The following DST variants were observed in gnomAD, a reference collection of about 807,000 sequenced individuals.
DST encodes the protein dystonin, also known as bullous pemphigoid antigen.
DST carries 253 observed loss-of-function variants against 875.2 expected under a neutral mutation model. The observed-to-expected ratio is 0.29, with a 90% CI of 0.26 to 0.32. DST has a LOEUF of 0.32. DST is among the 10% of genes least tolerant of loss of function. The pLI, the probability that DST is intolerant of heterozygous loss-of-function variation, is 1.00. For missense variants in DST, 8,287 were observed against 9,111.6 expected, an observed-to-expected ratio of 0.91 and a Z score of 3.68; for synonymous variants, 3,124 against 3,197.1, an observed-to-expected ratio of 0.98 and a Z score of 0.77.
At chr6:56,519,787 G>A (rs868264988) in intron 69 of DST, among the ~76,000 whole-genome samples, 3 of 152,156 alleles carry the variant, frequency 2.0e-5, no homozygotes, top group Non-Finnish European at 2.9e-5. Flanking sequence ...GTGGTAAGAG[G>A]AAGGCAGCTA....
At chr6:56,942,369 A>G (rs1254603279) in intron 2 of DST, among the ~76,000 whole-genome samples, 1 of 151,982 alleles carries the variant, frequency 6.6e-6, no homozygotes, top group Non-Finnish European at 1.5e-5. Flanking sequence ...TTTATTTTCA[A>G]TCTGTCTCTC....
intron 63 of DST, among the ~76,000 whole-genome samples, chr6:56,534,401 T>C (rs1215773707): frequency 1.3e-5 from 2 of 152,138 alleles, no homozygotes; most frequent in African/African-American, 2.4e-5. Flanking sequence ...TACCCGACCA[T>C]TGCTATCAGG....
In DST at chr6:56,476,295, C is replaced by A; in HGVS notation, c.21718G>T (p.Ala7240Ser). ...TGTTTGGCAATAAGCCCAGCCAGAGCACTTGCTAATCTCTGCTGATGTTGC... is the reference window on the plus strand; with the variant it reads ...TGTTTGGCAATAAGCCCAGCCAGAGAACTTGCTAATCTCTGCTGATGTTGC... ...AKQHQQRLASALAGLIAKQEL... is the reference protein window; with the variant it reads ...AKQHQQRLASSLAGLIAKQEL... The change falls in exon 92 of 104, where the codon GCT becomes TCT. Residue 7240 changes from alanine to serine, a missense_variant. Ala to Ser is a moderately conservative substitution (Grantham distance 99). Coordinates refer to ENST00000680361, the MANE Select transcript of DST (RefSeq NM_001374736.1). 6.2e-7 allele frequency: 1 copy of A among 1,605,958 alleles called. No homozygotes were observed. The highest frequency in any genetic ancestry group is 8.5e-7 in the Non-Finnish European group (1 of 1,175,726).
At chr6:56,824,524 C>T (rs972151213) in intron 4 of DST, among the ~76,000 whole-genome samples, 1 of 151,226 alleles carries the variant, frequency 6.6e-6, no homozygotes, top group Non-Finnish European at 1.5e-5. Flanking sequence ...AAGTGAGGAG[C>T]GTCTCTGCCC....
At position 56,651,152 on chromosome 6, in the gene DST, A is replaced by AT; in HGVS notation, c.1306dup (p.Ile436AsnfsTer7). The AT allele has an allele frequency of 6.2e-7, 1 of 1,612,794 alleles. No homozygotes were observed. Among genetic ancestry groups the AT allele is most frequent in the Non-Finnish European group, 8.5e-7 (1 of 1,179,236 alleles). On this transcript the variant is annotated frameshift_variant, in exon 11 of 104. Transcript: ENST00000680361. LOFTEE classifies it high-confidence loss of function. ...CTCACCTTCAGGGTCCAGAAGTCTT[A>AT]TAACACCAATTTTTTCTGCTACGTA... is the stretch of plus-strand genomic sequence containing the variant.
At chr6:56,676,387 A>C (rs1260312407) in intron 9 of DST, among the ~76,000 whole-genome samples, 2 of 152,198 alleles carry the variant, frequency 1.3e-5, no homozygotes, top group African/African-American at 4.8e-5. Flanking sequence ...TTTTGTTAAG[A>C]ATGTGGAGAA....
intron 4 of DST, among the ~76,000 whole-genome samples, chr6:56,790,975 C>T (rs2099721132): frequency 1.3e-5 from 2 of 152,152 alleles, no homozygotes; most frequent in Non-Finnish European, 1.5e-5. Context: ...TTCCTTCCCA[C>T]TTAGAAAGGT....
intron 47 of DST, among the ~76,000 whole-genome samples, chr6:56,594,693 CTG>C (rs1447776777): frequency 6.6e-6 from 1 of 152,072 alleles, no homozygotes; most frequent in East Asian, 1.9e-4. Context: ...AGCAAGAACA[CTG>C]TACATTCAGA....
In DST at chr6:56,527,600, G is replaced by C; in HGVS notation, c.17815C>G (p.His5939Asp). ...TCCAGCCAGGTACACAGCTCTTCGT[G>C]TGTGGAGTGCAGCCGCCTTGCAAGC... ...LQLARRLHST[H>D]EELCTWLDKV... The change falls in exon 68 of 104, where the codon CAC becomes GAC. Residue 5939 changes from histidine (H) to aspartate (D), a missense_variant. Coordinates refer to ENST00000680361, the MANE Select transcript of DST (RefSeq NM_001374736.1). 1 of 1,613,836 alleles carries C rather than the reference G, an allele frequency of 6.2e-7. No individual in the cohort carries two copies. Among genetic ancestry groups the C allele is most frequent in the Non-Finnish European group, 8.5e-7 (1 of 1,179,844 alleles).
chr6:56,651,175 G>A lies in DST; in HGVS notation c.1284C>T (p.Tyr428=), dbSNP rs377724610. 19 of 1,612,438 alleles carry A rather than the reference G, an allele frequency of 1.2e-5. No homozygotes were observed. The highest frequency in any genetic ancestry group is 1.1e-4 in the South Asian group (10 of 90,712). ...TTATAACACCAATTTTTTCTGCTAC[G>A]TAAAAAGCATGCTCTAAATTTGCAA... ...SNLANLEHAF[Y]VAEKIGVIRL... The change falls in exon 11 of 104, where the codon TAC becomes TAT. Residue 428 remains tyrosine (Y), a synonymous_variant. Transcript: ENST00000680361.
intron 34 of DST, among the ~76,000 whole-genome samples, chr6:56,625,677 G>C (rs79006648): frequency 6.6e-6 from 1 of 151,282 alleles, no homozygotes; most frequent in Non-Finnish European, 1.5e-5. Flanking sequence ...TATGTTACTG[G>C]TCTATATATT....
At chr6:56,472,020 C>G (rs1329451143) in intron 94 of DST, 39 bp downstream of exon 94, 1 of 1,606,764 alleles carries the variant, frequency 6.2e-7, no homozygotes, top group African/African-American at 1.3e-5. Flanking sequence ...GGAATGAGGG[C>G]AAATGACAAT....
chr6:56,562,212 G>T lies in DST; in HGVS notation c.14006-12C>A. On this transcript the variant is annotated splice_polypyrimidine_tract_variant and intron_variant, in intron 55 of 103. Transcript: ENST00000680361. ...TAATACTGCTCCACCTGCAAAAATA[G>T]TAACACTAAAATAATCACAGTTTCA... The T allele has an allele frequency of 6.6e-7, 1 of 1,516,012 alleles. No individual in the cohort carries two copies. Among genetic ancestry groups the T allele is most frequent in the East Asian group, 2.5e-5 (1 of 40,240 alleles). The allele number at this position is 1,516,012 out of a possible 1,614,324, so 93.9% of individuals were successfully genotyped here.
intron 2 of DST, among the ~76,000 whole-genome samples, chr6:56,929,965 C>G (rs1441118443): frequency 6.6e-6 from 1 of 152,208 alleles, no homozygotes; most frequent in Non-Finnish European, 1.5e-5. Flanking sequence ...GAGAACTCCT[C>G]AAAGGTAGAG....
chr6:56,909,613 G>C (rs1797969563), intron 2 of DST, among the ~76,000 whole-genome samples: 1 of 152,164 alleles, frequency 6.6e-6, no homozygotes, highest in African/African-American at 2.4e-5. Flanking sequence ...TGACTCACTG[G>C]TTCTCAAACT....
intron 30 of DST, among the ~76,000 whole-genome samples, chr6:56,630,785 CTT>C (rs113335666): frequency 2.0e-4 from 28 of 143,004 alleles, no homozygotes; most frequent in Admixed American, 2.8e-4. Flanking sequence ...TAATGTATTT[CTT>C]TTTTTTTTTT....
intron 57 of DST, among the ~76,000 whole-genome samples, chr6:56,560,985 C>T (rs1228529327): frequency 1.3e-5 from 2 of 152,048 alleles, no homozygotes; most frequent in African/African-American, 4.8e-5. Flanking sequence ...GAGAACAGAT[C>T]CTTCATACAT....
Position 56,511,336 on chromosome 6 carries a change from T to C in DST, c.18641A>G (p.Gln6214Arg). The change falls in exon 73 of 104, where the codon CAG becomes CGG. Residue 6214 changes from glutamine (Q) to arginine (R), a missense_variant. By Grantham distance (43) the Gln-to-Arg change is conservative (BLOSUM62 1). Transcript: ENST00000680361. ...TTCCCCAGGGCTCAATTCCAGTAAC[T>C]GTGGCCCAGTTTTGTTCATCTTATC... is the stretch of plus-strand genomic sequence containing the variant. ...HIDKMNKTGP[Q>R]LLELSPGEGF... The C allele has an allele frequency of 6.2e-7, 1 of 1,608,612 alleles. No homozygotes were observed. The highest frequency in any genetic ancestry group is 8.5e-7 in the Non-Finnish European group (1 of 1,177,384).
intron 49 of DST, among the ~76,000 whole-genome samples, chr6:56,588,598 C>T (rs995636762): frequency 6.6e-6 from 1 of 152,076 alleles, no homozygotes; most frequent in Non-Finnish European, 1.5e-5. Flanking sequence ...TAGCAGGCTC[C>T]AAAAATTTTT....
Sources: allele counts gnomAD v4.1 joint callset (sites outside exome capture counted in the v4.1 genomes callset), GRCh38; gene constraint gnomAD v4.1.1; transcripts MANE v1.5; gene names NCBI Gene and HGNC (gene_info 2026-07-23, HGNC 2026-07-21).